The following PTPRN2 variants were observed in gnomAD, a reference collection of about 807,000 sequenced individuals.
PTPRN2 encodes receptor-type tyrosine-protein phosphatase N2.
Under a neutral mutation model 118.8 loss-of-function variants are expected in PTPRN2, and 74 were observed. The observed-to-expected ratio is 0.62, with a 90% CI of 0.52 to 0.76. The LOEUF (loss-of-function observed/expected upper bound fraction) is 0.76, where lower values mean the gene tolerates loss of function less well. Ranked by LOEUF, PTPRN2 falls within the 30% of genes least tolerant of loss-of-function variation. The probability of loss-of-function intolerance (pLI) is 0.00; values close to 1 mark genes in which losing one functional copy is unlikely to be tolerated. For missense variants in PTPRN2, 1,481 were observed against 1,394.4 expected (o/e 1.06, Z -0.99); for synonymous variants, 641 against 608.0 (o/e 1.05, Z -0.80).
intron 11 of PTPRN2, among the ~76,000 whole-genome samples, chr7:157,988,812 G>A (rs1211381530): frequency 6.6e-6 from 1 of 152,182 alleles, no homozygotes. Context: ...CCCTGGGCAG[G>A]GCTGCTCTGG....
At chr7:158,524,279 G>T (rs1200586538) in intron 1 of PTPRN2, among the ~76,000 whole-genome samples, 11 of 73,562 alleles carry the variant, frequency 1.5e-4, no homozygotes, top group African/African-American at 6.0e-4. Context: ...GTCTGCCCTG[G>T]TGTGGAGTCG....
intron 22 of PTPRN2, among the ~76,000 whole-genome samples, chr7:157,542,809 C>T (rs1393510350): frequency 6.6e-6 from 1 of 152,240 alleles, no homozygotes; most frequent in Non-Finnish European, 1.5e-5. Context: ...GCACCTTACT[C>T]AGAGCCCACT....
At chr7:158,403,894 T>A (rs1205240627) in intron 2 of PTPRN2, among the ~76,000 whole-genome samples, 1 of 152,176 alleles carries the variant, frequency 6.6e-6, no homozygotes, top group Non-Finnish European at 1.5e-5. Context: ...GCACAAAAAG[T>A]CACCTAATTA....
At chr7:158,075,337 G>A (rs965282666) in intron 11 of PTPRN2, among the ~76,000 whole-genome samples, 5 of 152,212 alleles carry the variant, frequency 3.3e-5, no homozygotes, top group Non-Finnish European at 7.3e-5. Flanking sequence ...CTCTTTGGCA[G>A]CAGAACCTCG....
At chr7:157,957,078 A>G (rs4573130) in intron 11 of PTPRN2, among the ~76,000 whole-genome samples, 125,835 of 152,146 alleles carry the variant, frequency 0.83, 52,621 homozygotes, top group East Asian at 0.89. Context: ...ATGGAAATAC[A>G]TTTGACCTCC....
intron 2 of PTPRN2, among the ~76,000 whole-genome samples, chr7:158,435,803 G>C (rs545142449): frequency 1.3e-5 from 2 of 152,226 alleles, no homozygotes; most frequent in Admixed American, 1.3e-4. Flanking sequence ...GACATGAGCT[G>C]AGCGAAGTAA....
intron 12 of PTPRN2, among the ~76,000 whole-genome samples, chr7:157,894,329 C>A (rs1363915646): frequency 6.6e-6 from 1 of 151,874 alleles, no homozygotes; most frequent in South Asian, 2.1e-4. Context: ...TCTGTGGATC[C>A]AAGTGTGTGG....
At chr7:157,753,069 G>A (rs1349993812) in intron 12 of PTPRN2, among the ~76,000 whole-genome samples, 5 of 152,228 alleles carry the variant, frequency 3.3e-5, no homozygotes, top group African/African-American at 7.2e-5. Flanking sequence ...GAGGAAAGGC[G>A]GGGTGTCGGC....
intron 12 of PTPRN2, among the ~76,000 whole-genome samples, chr7:157,728,440 C>T (rs1037711588): frequency 2.0e-5 from 3 of 152,324 alleles, no homozygotes; most frequent in Admixed American, 6.5e-5. Flanking sequence ...TGGGGTTTCA[C>T]GGGGGCGAGG....
chr7:157,770,746 A>C (rs927992663), intron 12 of PTPRN2, among the ~76,000 whole-genome samples: 1 of 152,174 alleles, frequency 6.6e-6, no homozygotes, highest in African/African-American at 2.4e-5. Flanking sequence ...CAGACACAGC[A>C]AGGTCATGAG....
intron 11 of PTPRN2, among the ~76,000 whole-genome samples, chr7:157,928,952 C>T (rs1799193324): frequency 6.6e-6 from 1 of 152,052 alleles, no homozygotes; most frequent in Admixed American, 6.5e-5. Context: ...GGACAGGCTG[C>T]AGATGATGCT....
intron 2 of PTPRN2, among the ~76,000 whole-genome samples, chr7:158,482,925 C>A (rs1441813405): frequency 1.3e-5 from 2 of 152,212 alleles, no homozygotes; most frequent in Non-Finnish European, 2.9e-5. Flanking sequence ...ATTCCCCCAG[C>A]CCCTTCTCCT....
chr7:158,233,805 G>C (rs1829331045), intron 3 of PTPRN2, among the ~76,000 whole-genome samples: 1 of 152,232 alleles, frequency 6.6e-6, no homozygotes, highest in South Asian at 2.1e-4. Context: ...AGAGAATCCA[G>C]GTATAAATTC....
chr7:158,346,579 T>C (rs1807530351), intron 2 of PTPRN2, among the ~76,000 whole-genome samples: 1 of 152,186 alleles, frequency 6.6e-6, no homozygotes, highest in South Asian at 2.1e-4. Context: ...GCAGTAAACA[T>C]GAGGGTGCAG....
At chr7:158,063,535 C>T (rs1026675165) in intron 11 of PTPRN2, among the ~76,000 whole-genome samples, 2 of 152,218 alleles carry the variant, frequency 1.3e-5, no homozygotes, top group Admixed American at 6.5e-5. Flanking sequence ...TCCCCTTTCA[C>T]ATTGTGGAAG....
At chr7:158,542,296 G>A (rs1402776501) in intron 1 of PTPRN2, among the ~76,000 whole-genome samples, 7 of 152,132 alleles carry the variant, frequency 4.6e-5, no homozygotes, top group South Asian at 2.1e-4. Context: ...GATTACAGGC[G>A]CACGCCACCA....
chr7:158,040,075 GAGA>G (rs1190953027), intron 11 of PTPRN2, among the ~76,000 whole-genome samples: 1 of 105,288 alleles, frequency 9.5e-6, no homozygotes, highest in African/African-American at 3.6e-5. Flanking sequence ...AAGAGAGAGA[GAGA>G]AAAAAAAAGA....
At chr7:157,705,760 C>T (rs909925459) in intron 12 of PTPRN2, among the ~76,000 whole-genome samples, 7 of 151,696 alleles carry the variant, frequency 4.6e-5, no homozygotes, top group Middle Eastern at 3.2e-3. Flanking sequence ...TGAATCTGAC[C>T]CAGGTGCCTT....
intron 12 of PTPRN2, among the ~76,000 whole-genome samples, chr7:157,744,326 A>G (rs564354645): frequency 5.3e-5 from 8 of 152,222 alleles, no homozygotes; most frequent in African/African-American, 1.9e-4. Flanking sequence ...CCTGAAACTC[A>G]AACAAGTGGA....
Sources: gnomAD v4.1 joint callset for allele counts (sites outside exome capture counted in the v4.1 genomes callset) on GRCh38, gnomAD v4.1.1 for gene constraint, MANE v1.5 for transcripts, NCBI Gene and HGNC (gene_info 2026-07-23, HGNC 2026-07-21) for gene names.